The following HOXC13 variants were observed in gnomAD, a reference collection of about 807,000 sequenced individuals.
The protein encoded by HOXC13 is homeobox protein Hox-C13.
In HOXC13, 10 loss-of-function variants were observed where a neutral mutation model predicts 25.9. That is an observed-to-expected ratio of 0.39 (90% CI 0.24 to 0.65). The LOEUF is 0.65. HOXC13 is among the 30% of genes least tolerant of loss of function. HOXC13 has a pLI of 0.50. For missense variants in HOXC13, 439 were observed against 478.3 expected, an observed-to-expected ratio of 0.92 and a Z score of 0.77; for synonymous variants, 233 against 217.1, an observed-to-expected ratio of 1.07 and a Z score of -0.64.
At position 53,939,746 on chromosome 12, in the gene HOXC13, C is replaced by T. The variant is rs1938579822; in HGVS notation, c.736+104C>T. 1.5e-5 allele frequency: 18 copies of T among 1,234,032 alleles called. No homozygotes were observed. The highest frequency in any genetic ancestry group is 1.6e-5 in the Non-Finnish European group (16 of 986,042). 76.4% of individuals were successfully genotyped at this position (1,234,032 alleles called of 1,614,324 possible). On this transcript the variant is annotated intron_variant, in intron 1 of 1. Transcript: ENST00000243056. This position sits in a 1 kb window ranked among gnomAD's most constrained non-coding sequence, Gnocchi z 6.7. ...ACCCCCGCCGTCTGGCCCCGGCGCG[C>T]CCGCTCGGCTGGGCTGCCTATGGAG...
At chr12:53,941,161 ATTTCT>A (rs1293523384) in intron 1 of HOXC13, among the ~76,000 whole-genome samples, 1 of 152,236 alleles carries the variant, frequency 6.6e-6, no homozygotes, top group African/African-American at 2.4e-5. Flanking sequence ...ATATAATATG[ATTTCT>A]TTTATTAACT....
chr12:53,943,320 T>C (rs1032112158), intron 1 of HOXC13, among the ~76,000 whole-genome samples: 4 of 152,256 alleles, frequency 2.6e-5, no homozygotes, highest in Admixed American at 2.6e-4. Flanking sequence ...ATTCTATTCT[T>C]GTCAACAAAT....
Position 53,945,276 on chromosome 12 carries a change from C to T in HOXC13, c.*20C>T, listed in dbSNP as rs779108054. ...ACCTGACCACCCACCCGCTGCTTGC[C>T]CCATCTATTTATGTCTCCGCTTTGT... On this transcript the variant is annotated 3_prime_UTR_variant, in exon 2 of 2. Coordinates refer to ENST00000243056, the MANE Select transcript of HOXC13 (RefSeq NM_017410.3). The surrounding 1 kb of genome is among the most constrained non-coding windows in gnomAD (Gnocchi z 4.4). 1.2e-6 allele frequency: 2 copies of T among 1,613,070 alleles called. No homozygotes were observed. The highest frequency in any genetic ancestry group is 1.7e-5 in the Admixed American group (1 of 59,966).
In HOXC13 at chr12:53,940,876, A is replaced by G. The variant is rs139396649; in HGVS notation, c.736+1234A>G. 3.9e-5 allele frequency among the ~76,000 whole-genome samples: 6 copies of G among 152,348 alleles called. No individual in the cohort carries two copies. The East Asian group carries it at 1.2e-3, about 29-fold the overall frequency. On this transcript the variant is annotated intron_variant, in intron 1 of 1. Transcript: ENST00000243056. ...CAGGGATGTTTTCCTTGGAAAGCATAGACCCAAAGACCTCCTAAGGGTGGG... is the reference window on the plus strand; with the variant it reads ...CAGGGATGTTTTCCTTGGAAAGCATGGACCCAAAGACCTCCTAAGGGTGGG...
chr12:53,939,142 G>C lies in HOXC13; in HGVS notation c.236G>C (p.Gly79Ala), dbSNP rs1938565365. 1 of 1,474,014 alleles carries C rather than the reference G, an allele frequency of 6.8e-7. No individual in the cohort carries two copies. Among genetic ancestry groups the C allele is most frequent in the Non-Finnish European group, 8.9e-7 (1 of 1,123,562 alleles). The allele number at this position is 1,474,014 out of a possible 1,614,324, so 91.3% of individuals were successfully genotyped here. ...CRDLLPHPVL[G>A]RPPAPLGAPQ... ...GACCTGCTTCCGCACCCCGTGCTGG[G>C]CCGCCCGCCGGCTCCCCTGGGCGCC... The change falls in exon 1 of 2, where the codon GGC (glycine) becomes GCC (alanine). Residue 79 changes from glycine to alanine, a missense_variant. Transcript: ENST00000243056. The surrounding 1 kb of genome is among the most constrained non-coding windows in gnomAD (Gnocchi z 6.7).
intron 1 of HOXC13, among the ~76,000 whole-genome samples, chr12:53,941,794 TGAGTGCA>T (rs1180442565): frequency 1.3e-5 from 2 of 152,206 alleles, no homozygotes; most frequent in African/African-American, 4.8e-5. Flanking sequence ...TGTATCTCAG[TGAGTGCA>T]GAGGTACAGA....
rs1938571802 is a variant in HOXC13 at position 53,939,379 on chromosome 12, G to T, written c.473G>T (p.Gly158Val). 1 of 1,606,334 alleles carries T rather than the reference G, an allele frequency of 6.2e-7. No homozygotes were observed. Among genetic ancestry groups the T allele is most frequent in the Non-Finnish European group, 8.5e-7 (1 of 1,177,958 alleles). The change falls in exon 1 of 2, where the codon GGC becomes GTC. Residue 158 changes from glycine (G) to valine (V), a missense_variant. Coordinates refer to ENST00000243056, the MANE Select transcript of HOXC13 (RefSeq NM_017410.3). The surrounding 1 kb of genome is among the most constrained non-coding windows in gnomAD (Gnocchi z 6.7). ...HPGDKYPEPSGALPGDDLSSR... is the reference protein window; with the variant it reads ...HPGDKYPEPSVALPGDDLSSR... ...GGCGATAAATACCCGGAGCCGTCGG[G>T]CGCCCTGCCCGGTGACGACCTGTCC...
At chr12:53,940,196 A>G (rs1459670565) in intron 1 of HOXC13, among the ~76,000 whole-genome samples, 2 of 152,184 alleles carry the variant, frequency 1.3e-5, no homozygotes, top group Non-Finnish European at 2.9e-5. Context: ...GACTTATTTT[A>G]AAAATCTGGC....
At chr12:53,940,593 C>T (rs1027632746) in intron 1 of HOXC13, among the ~76,000 whole-genome samples, 2 of 152,192 alleles carry the variant, frequency 1.3e-5, no homozygotes, top group African/African-American at 4.8e-5. Flanking sequence ...TAAATCCCAC[C>T]GCTCTCCTTG....
intron 1 of HOXC13, among the ~76,000 whole-genome samples, chr12:53,942,196 G>T (rs184714033): frequency 9.6e-6 from 1 of 104,030 alleles, no homozygotes; most frequent in African/African-American, 4.0e-5. Flanking sequence ...TTTTTTGAGA[G>T]AGAGAGAGAA....
rs546366906 is a variant in HOXC13, at chr12:53,939,676, G to A, written c.736+34G>A. ...GGGACCCGAGCGCCGCCGCCGCCGG[G>A]GACCCCTCCCCGCCCTGCCTGCCCC... On this transcript the variant is annotated intron_variant, in intron 1 of 1. Coordinates refer to ENST00000243056, the MANE Select transcript of HOXC13 (RefSeq NM_017410.3). The surrounding 1 kb of genome is among the most constrained non-coding windows in gnomAD (Gnocchi z 6.7). 1 of 1,346,956 alleles carries A rather than the reference G, an allele frequency of 7.4e-7. No individual in the cohort carries two copies. The highest frequency in any genetic ancestry group is 9.6e-7 in the Non-Finnish European group (1 of 1,047,090). The allele number at this position is 1,346,956 out of a possible 1,614,324, so 83.4% of individuals were successfully genotyped here. A position where few individuals can be genotyped will look rare whatever the true frequency, so the allele number is the denominator to read the frequency against.
intron 1 of HOXC13, among the ~76,000 whole-genome samples, chr12:53,940,444 G>T (rs1938592473): frequency 6.6e-6 from 1 of 152,214 alleles, no homozygotes; most frequent in Non-Finnish European, 1.5e-5. Flanking sequence ...GGGAGAGGAA[G>T]ACCTGTTCAA....
intron 1 of HOXC13, among the ~76,000 whole-genome samples, chr12:53,942,311 G>T (rs1938625715): frequency 6.6e-6 from 1 of 150,704 alleles, no homozygotes; most frequent in South Asian, 2.1e-4. Flanking sequence ...CACACTAGAA[G>T]TCTTTACTGA....
At position 53,945,394 on chromosome 12, in the gene HOXC13, A is replaced by G; in HGVS notation, c.*138A>G. On this transcript the variant is annotated 3_prime_UTR_variant, in exon 2 of 2. Coordinates refer to ENST00000243056, the MANE Select transcript of HOXC13 (RefSeq NM_017410.3). The surrounding 1 kb of genome is among the most constrained non-coding windows in gnomAD (Gnocchi z 4.4). ...AGAACCGCGCCGCCCGGAGGCAGAGAGGCTCCATGGCCGTGCTGCTGGGCC... is the reference window on the plus strand; with the variant it reads ...AGAACCGCGCCGCCCGGAGGCAGAGGGGCTCCATGGCCGTGCTGCTGGGCC... 1 of 1,027,780 alleles carries G rather than the reference A, an allele frequency of 9.7e-7. No homozygotes were observed. The highest frequency in any genetic ancestry group is 2.4e-5 in the East Asian group (1 of 41,378). 63.7% of individuals were successfully genotyped at this position (1,027,780 alleles called of 1,614,324 possible). A position where few individuals can be genotyped will look rare whatever the true frequency, so the allele number is the denominator to read the frequency against.
rs1049630605 is a variant in HOXC13 at position 53,939,766 on chromosome 12, A to T, written c.736+124A>T. The T allele has an allele frequency of 1.4e-5, 17 of 1,188,998 alleles. No individual in the cohort carries two copies. In the Admixed American group the frequency reaches 7.5e-4, roughly 53 times the overall value. 73.7% of individuals were successfully genotyped at this position (1,188,998 alleles called of 1,614,324 possible). ...GCGCGCCCGCTCGGCTGGGCTGCCT[A>T]TGGAGCCGGCCGGGCGAGCTGCACT... On this transcript the variant is annotated intron_variant, in intron 1 of 1. Transcript: ENST00000243056. This position sits in a 1 kb window ranked among gnomAD's most constrained non-coding sequence, Gnocchi z 6.7.
intron 1 of HOXC13, among the ~76,000 whole-genome samples, chr12:53,940,576 G>T (rs1025640688): frequency 6.6e-6 from 1 of 152,142 alleles, no homozygotes; most frequent in South Asian, 2.1e-4. Flanking sequence ...AGAGAGAAAG[G>T]CTCCTGTAAA....
In HOXC13 at chr12:53,945,374, C is replaced by T; in HGVS notation, c.*118C>T. On this transcript the variant is annotated 3_prime_UTR_variant, in exon 2 of 2. Coordinates refer to ENST00000243056, the MANE Select transcript of HOXC13 (RefSeq NM_017410.3). This position sits in a 1 kb window ranked among gnomAD's most constrained non-coding sequence, Gnocchi z 4.4. The stretch of plus-strand genomic sequence containing the variant: ...TTTAATGTTAAGGAAAGAGAAGAAC[C>T]GCGCCGCCCGGAGGCAGAGAGGCTC... 1 of 1,262,910 alleles carries T rather than the reference C, an allele frequency of 7.9e-7. No homozygotes were observed. Among genetic ancestry groups the T allele is most frequent in the Non-Finnish European group, 1.1e-6 (1 of 910,048 alleles). 78.2% of individuals were successfully genotyped at this position (1,262,910 alleles called of 1,614,324 possible). A position where few individuals can be genotyped will look rare whatever the true frequency, so the allele number is the denominator to read the frequency against.
rs1867298 is a variant in HOXC13, at chr12:53,939,055, G to T, written c.149G>T (p.Ser50Ile). ...GCGGGGGGTGGCTGCAGCGGAGCGA[G>T]CCCCGGCAAAGCCCCGAGCATGGAT... ...GGAGGGCSGA[S>I]PGKAPSMDGL... is the part of the protein sequence containing the mutation. Residue 50 changes from serine (S) to isoleucine (I), a missense_variant, in exon 1 of 2, where the codon AGC (serine) becomes ATC (isoleucine). By Grantham distance (142) the Ser-to-Ile change is moderately radical (BLOSUM62 -2). Coordinates refer to ENST00000243056, the MANE Select transcript of HOXC13 (RefSeq NM_017410.3). This position sits in a 1 kb window ranked among gnomAD's most constrained non-coding sequence, Gnocchi z 6.7. The T allele has an allele frequency of 1.4e-4, 208 of 1,439,790 alleles. No homozygotes were observed. In the African/African-American group the frequency reaches 3.0e-3, roughly 21 times the overall value. 89.2% of individuals were successfully genotyped at this position (1,439,790 alleles called of 1,614,324 possible).
intron 1 of HOXC13, among the ~76,000 whole-genome samples, chr12:53,942,664 T>A (rs991517147): frequency 6.6e-6 from 1 of 152,184 alleles, no homozygotes; most frequent in African/African-American, 2.4e-5. Flanking sequence ...AGCTACCAGA[T>A]GTTTCTTCAT....
Sources: gnomAD v4.1 joint callset for allele counts (sites outside exome capture counted in the v4.1 genomes callset) on GRCh38, gnomAD v4.1.1 for gene constraint, Gnocchi (gnomAD v3.1) non-coding constraint, MANE v1.5 for transcripts, NCBI Gene and HGNC (gene_info 2026-07-23, HGNC 2026-07-21) for gene names.